The following MAP3K9 variants were observed in gnomAD, a reference collection of about 807,000 sequenced individuals.
The protein encoded by MAP3K9 is mitogen-activated protein kinase kinase kinase 9, also known as mixed lineage kinase 1 (tyr and ser/thr specificity).
Under a neutral mutation model 95.8 loss-of-function variants are expected in MAP3K9, and 46 were observed. The observed-to-expected ratio is 0.48, with a 90% CI of 0.38 to 0.61. The LOEUF (loss-of-function observed/expected upper bound fraction) is 0.61. Ranked by LOEUF, MAP3K9 falls within the 20% of genes least tolerant of loss-of-function variation. The probability of loss-of-function intolerance (pLI) is 0.00; values close to 1 mark genes in which losing one functional copy is unlikely to be tolerated. For synonymous variants in MAP3K9, 533 were observed against 593.8 expected (o/e 0.90, Z 1.49); for missense variants, 1,296 against 1,474.3 (o/e 0.88, Z 1.98).
At chr14:70,807,106 G>A (rs1039445166) in intron 1 of MAP3K9, among the ~76,000 whole-genome samples, 3 of 152,104 alleles carry the variant, frequency 2.0e-5, no homozygotes, top group African/African-American at 7.2e-5. Flanking sequence ...TTTGAACATC[G>A]ATTTGATAGT....
chr14:70,784,288 CA>C (rs1010172392), intron 2 of MAP3K9, among the ~76,000 whole-genome samples: 1 of 148,086 alleles, frequency 6.8e-6, no homozygotes, highest in Non-Finnish European at 1.5e-5. Flanking sequence ...CGTCTCAAAA[CA>C]AAAAAAAATA....
intron 3 of MAP3K9, among the ~76,000 whole-genome samples, chr14:70,751,866 A>G (rs2054233049): frequency 6.6e-6 from 1 of 152,188 alleles, no homozygotes. Context: ...AAGGAAAGCA[A>G]GTTTTAGACA....
intron 2 of MAP3K9, among the ~76,000 whole-genome samples, chr14:70,761,913 C>T (rs187752366): frequency 2.0e-5 from 3 of 152,282 alleles, no homozygotes; most frequent in East Asian, 3.9e-4. Context: ...AGCAATTATT[C>T]CCCATTCTCC....
At chr14:70,749,098 T>G in intron 4 of MAP3K9, 94 bp from the exon 5 acceptor site, 1 of 1,211,274 alleles carries the variant, frequency 8.3e-7, no homozygotes. Context: ...CCCAGAAAAC[T>G]ACCTCTTACT....
rs979908916 is a variant in MAP3K9 at position 70,727,500 on chromosome 14, A to C, written c.*2880T>G. Reference sequence around the variant, plus strand: ...AAGGCAGAGGAAAGGGGGGCCGGCTACTGCCACTCAAGTGGCTTCATCCAC... The same window carrying C: ...AAGGCAGAGGAAAGGGGGGCCGGCTCCTGCCACTCAAGTGGCTTCATCCAC... On this transcript the variant is annotated 3_prime_UTR_variant, in exon 12 of 12. Coordinates refer to ENST00000554752, the MANE Select transcript of MAP3K9 (RefSeq NM_001284230.2). 6.6e-6 allele frequency: 1 copy of C among 152,456 alleles called. No homozygotes were observed. The highest frequency in any genetic ancestry group is 1.5e-5 in the Non-Finnish European group (1 of 68,236). 9.4% of individuals were successfully genotyped at this position (152,456 alleles called of 1,614,324 possible).
intron 2 of MAP3K9, among the ~76,000 whole-genome samples, chr14:70,768,550 T>C (rs1340147730): frequency 6.6e-6 from 1 of 152,162 alleles, no homozygotes; most frequent in Non-Finnish European, 1.5e-5. Flanking sequence ...ATCCTCCATT[T>C]ACACAAAAAA....
At chr14:70,743,199 G>A (rs2139735941) in intron 5 of MAP3K9, among the ~76,000 whole-genome samples, 1 of 152,080 alleles carries the variant, frequency 6.6e-6, no homozygotes. Context: ...TGTTGGCCAG[G>A]CTGGTCTCAA....
chr14:70,761,231 A>C, intron 2 of MAP3K9, 49 bp from the exon 3 acceptor site: 1 of 1,479,566 alleles, frequency 6.8e-7, no homozygotes, highest in African/African-American at 1.4e-5. Context: ...CATTAATCAC[A>C]GGGAAACCAC....
chr14:70,803,181 C>T (rs1752026171), intron 1 of MAP3K9, among the ~76,000 whole-genome samples: 1 of 151,960 alleles, frequency 6.6e-6, no homozygotes, highest in African/African-American at 2.4e-5. Context: ...CAGAGCCAAG[C>T]AGATGCTGGT....
At chr14:70,765,455 C>T (rs1197002688) in intron 2 of MAP3K9, 1 of 693,210 alleles carries the variant, frequency 1.4e-6, no homozygotes, top group Non-Finnish European at 2.6e-6. Context: ...GGGCAACTTC[C>T]AGTCCTGTAA....
intron 2 of MAP3K9, among the ~76,000 whole-genome samples, chr14:70,798,280 C>A (rs1382334931): frequency 6.6e-6 from 1 of 152,194 alleles, no homozygotes; most frequent in South Asian, 2.1e-4. Flanking sequence ...TTAACTTTTA[C>A]AACTTTGTTA....
At chr14:70,786,395 T>C (rs1288560910) in intron 2 of MAP3K9, among the ~76,000 whole-genome samples, 1 of 152,176 alleles carries the variant, frequency 6.6e-6, no homozygotes, top group African/African-American at 2.4e-5. Context: ...GCCAGGAGTC[T>C]ACTGCTTAAG....
Position 70,732,520 on chromosome 14 carries a change from A to G in MAP3K9, c.2830+19T>C, listed in dbSNP as rs1216357079. 1 of 1,521,492 alleles carries G rather than the reference A, an allele frequency of 6.6e-7. No homozygotes were observed. 94.2% of individuals were successfully genotyped at this position (1,521,492 alleles called of 1,614,324 possible). A position where few individuals can be genotyped will look rare whatever the true frequency, so the allele number is the denominator to read the frequency against. ...AGGAGGCACAAAGAAAGGAAAGAGAAAAGAGGAAGAAGACTCACCTGCTCC... is the reference window on the plus strand; with the variant it reads ...AGGAGGCACAAAGAAAGGAAAGAGAGAAGAGGAAGAAGACTCACCTGCTCC... On this transcript the variant is annotated intron_variant, in intron 11 of 11. Coordinates refer to ENST00000554752, the MANE Select transcript of MAP3K9 (RefSeq NM_001284230.2).
chr14:70,748,902 G>A lies in MAP3K9; in HGVS notation c.1253C>T (p.Ser418Phe). ...ESGFFEMPKD[S>F]FHCLQDNWKH... Reference sequence around the variant, plus strand: ...CCAGTTGTCCTGCAGGCAGTGGAAGGAGTCCTTGGGCATTTCAAAGAAACC... The same window carrying A: ...CCAGTTGTCCTGCAGGCAGTGGAAGAAGTCCTTGGGCATTTCAAAGAAACC... The change falls in exon 5 of 12, where the codon TCC (serine) becomes TTC (phenylalanine). Residue 418 changes from serine (S) to phenylalanine (F), a missense_variant. Physicochemically the swap from Ser to Phe is radical, Grantham distance 155. Coordinates refer to ENST00000554752, the MANE Select transcript of MAP3K9 (RefSeq NM_001284230.2). The A allele has an allele frequency of 1.9e-6, 3 of 1,614,130 alleles. No homozygotes were observed. The highest frequency in any genetic ancestry group is 1.7e-4 in the Middle Eastern group (1 of 6,060).
At chr14:70,799,000 T>A (rs1182740923) in intron 2 of MAP3K9, among the ~76,000 whole-genome samples, 1 of 152,124 alleles carries the variant, frequency 6.6e-6, no homozygotes, top group African/African-American at 2.4e-5. Context: ...AGAACACAGG[T>A]AGAAAAGATA....
chr14:70,740,338 T>C (rs373747176), intron 6 of MAP3K9, among the ~76,000 whole-genome samples, 174 bp from the exon 7 acceptor site: 3 of 152,236 alleles, frequency 2.0e-5, no homozygotes, highest in African/African-American at 7.2e-5. Flanking sequence ...CCAAGGGACA[T>C]GGGGAGATGA....
chr14:70,758,821 G>A (rs534101804), intron 3 of MAP3K9, among the ~76,000 whole-genome samples: 1 of 151,054 alleles, frequency 6.6e-6, no homozygotes, highest in South Asian at 2.1e-4. Context: ...GGAGTGCAAT[G>A]GCACAATCCT....
intron 2 of MAP3K9, among the ~76,000 whole-genome samples, chr14:70,793,413 C>T (rs1193731373): frequency 6.6e-6 from 1 of 152,180 alleles, no homozygotes; most frequent in African/African-American, 2.4e-5. Context: ...ATGGCCGGGC[C>T]TGGTGGCTCA....
chr14:70,774,983 C>CAAAAAAA (rs60144338), intron 2 of MAP3K9, among the ~76,000 whole-genome samples: 5 of 55,114 alleles, frequency 9.1e-5, no homozygotes, highest in Non-Finnish European at 8.9e-5. Context: ...ACTCTGTCCC[C>CAAAAAAA]AAAAAAAAAA....
Sources: allele counts gnomAD v4.1 joint callset (sites outside exome capture counted in the v4.1 genomes callset), GRCh38; gene constraint gnomAD v4.1.1; transcripts MANE v1.5; gene names NCBI Gene and HGNC (gene_info 2026-07-23, HGNC 2026-07-21).